The following CYP7B1 variants were observed in gnomAD, a reference collection of about 807,000 sequenced individuals.
CYP7B1 encodes the protein cytochrome P450 family 7 subfamily B member 1.
In CYP7B1, 29 loss-of-function variants were observed where a neutral mutation model predicts 42.7. The ratio of observed to expected loss-of-function variants is 0.68; its 90% CI spans 0.51 to 0.93. The LOEUF is 0.93. Among genes scored for constraint, CYP7B1 ranks in the 40% least tolerant of loss-of-function variants. The pLI is 0.00. For missense variants in CYP7B1, 655 were observed against 600.5 expected (o/e 1.09, Z -0.95); for synonymous variants, 235 against 218.2 (o/e 1.08, Z -0.68).
chr8:64,645,088 A>G (rs1247752927), intron 1 of CYP7B1, among the ~76,000 whole-genome samples: 1 of 151,398 alleles, frequency 6.6e-6, no homozygotes, highest in Non-Finnish European at 1.5e-5. Flanking sequence ...AAGGACATGA[A>G]CTCATCATTT....
intron 1 of CYP7B1, among the ~76,000 whole-genome samples, chr8:64,683,303 A>G (rs548758994): frequency 6.6e-6 from 1 of 152,348 alleles, no homozygotes; most frequent in East Asian, 1.9e-4. Context: ...CATGGATGGA[A>G]CTGGAGGACA....
Position 64,624,951 on chromosome 8 carries a change from C to CTTTTTTTTTTTTTTTTTTTTT in CYP7B1, c.123-433_123-413dup, listed in dbSNP as rs71260892. On this transcript the variant is annotated intron_variant, in intron 1 of 5. Transcript: ENST00000310193. Reference sequence around the variant, plus strand: ...AGTCCCCAAAGTCCATTATATCATTCTTTTTTTTTTTTTTTTTTTTTTTTT... The same window carrying CTTTTTTTTTTTTTTTTTTTTT: ...AGTCCCCAAAGTCCATTATATCATTCTTTTTTTTTTTTTTTTTTTTTTTTTTTTTTTTTTTTTTTTTTTTTT... 3.7e-5 allele frequency among the ~76,000 whole-genome samples: 2 copies of CTTTTTTTTTTTTTTTTTTTTT among 54,062 alleles called. 1 individual carries two copies. The highest frequency in any genetic ancestry group is 2.1e-4 in the African/African-American group (2 of 9,662). The allele number at this position is 54,062 out of a possible 152,430, so 35.5% of individuals were successfully genotyped here. A position where few individuals can be genotyped will look rare whatever the true frequency, so the allele number is the denominator to read the frequency against.
In CYP7B1 at chr8:64,658,919, C is replaced by T. The variant is rs117588414; in HGVS notation, c.123-34380G>A. ...GGTTTATCAGTAGGAGACAAGGAAG[C>T]AACACAACTGCACACCTGCATGAAC... On this transcript the variant is annotated intron_variant, in intron 1 of 5. Transcript: ENST00000310193. Among the ~76,000 whole-genome samples, 30 of 152,294 alleles carry T rather than the reference C, an allele frequency of 2.0e-4. No homozygotes were observed. The East Asian group carries it at 4.8e-3, about 24-fold the overall frequency.
intron 1 of CYP7B1, among the ~76,000 whole-genome samples, chr8:64,725,051 G>A (rs998820933): frequency 6.6e-6 from 1 of 152,182 alleles, no homozygotes; most frequent in African/African-American, 2.4e-5. Context: ...AAGCCAAGAA[G>A]AATCTGAACA....
intron 1 of CYP7B1, among the ~76,000 whole-genome samples, chr8:64,763,567 A>G (rs756095529): frequency 6.6e-6 from 1 of 152,192 alleles, no homozygotes; most frequent in Non-Finnish European, 1.5e-5. Flanking sequence ...AATACTGGGC[A>G]CCTGTTGGCC....
At chr8:64,796,520 T>A (rs1804704343) in intron 1 of CYP7B1, among the ~76,000 whole-genome samples, 1 of 152,212 alleles carries the variant, frequency 6.6e-6, no homozygotes, top group Non-Finnish European at 1.5e-5. Flanking sequence ...ACTACATTAG[T>A]AGTAACATAA....
intron 2 of CYP7B1, among the ~76,000 whole-genome samples, chr8:64,616,688 A>G (rs977616280): frequency 6.6e-6 from 1 of 152,232 alleles, no homozygotes; most frequent in African/African-American, 2.4e-5. Context: ...TATACTTCAT[A>G]AAGAGCTTTT....
At chr8:64,747,127 T>C (rs887265295) in intron 1 of CYP7B1, among the ~76,000 whole-genome samples, 1 of 149,122 alleles carries the variant, frequency 6.7e-6, no homozygotes, top group East Asian at 1.9e-4. Flanking sequence ...TATTTATAGA[T>C]CTATACTTAC....
chr8:64,709,510 A>C (rs567064337), intron 1 of CYP7B1, among the ~76,000 whole-genome samples: 1 of 152,350 alleles, frequency 6.6e-6, no homozygotes, highest in South Asian at 2.1e-4. Flanking sequence ...ACATATGTAA[A>C]TGTATTAGTC....
chr8:64,770,244 C>CA (rs1018941191), intron 1 of CYP7B1, among the ~76,000 whole-genome samples: 6 of 150,886 alleles, frequency 4.0e-5, no homozygotes, highest in Non-Finnish European at 7.4e-5. Context: ...CTCTAAATCT[C>CA]AAAAAAAAAT....
chr8:64,699,273 A>C (rs946984303), intron 1 of CYP7B1, among the ~76,000 whole-genome samples: 4 of 152,102 alleles, frequency 2.6e-5, no homozygotes, highest in Non-Finnish European at 4.4e-5. Context: ...AAAATTCATG[A>C]CTCTAAACTA....
At chr8:64,639,929 T>C (rs187987090) in intron 1 of CYP7B1, among the ~76,000 whole-genome samples, 4 of 152,160 alleles carry the variant, frequency 2.6e-5, no homozygotes, top group Non-Finnish European at 5.9e-5. Flanking sequence ...ATATTTAGTT[T>C]ATAGAATAAA....
chr8:64,730,624 CA>C (rs1807394339), intron 1 of CYP7B1, among the ~76,000 whole-genome samples: 2 of 152,088 alleles, frequency 1.3e-5, no homozygotes, highest in Non-Finnish European at 2.9e-5. Flanking sequence ...ATATGTTATG[CA>C]ATTACTCAGT....
chr8:64,796,538 C>A (rs767254082), intron 1 of CYP7B1, among the ~76,000 whole-genome samples: 1 of 152,134 alleles, frequency 6.6e-6, no homozygotes, highest in Non-Finnish European at 1.5e-5. Context: ...TAAATTGAGA[C>A]TTAGAGTAGT....
intron 1 of CYP7B1, among the ~76,000 whole-genome samples, chr8:64,644,907 C>G (rs2129631064): frequency 7.4e-6 from 1 of 135,290 alleles, no homozygotes; most frequent in East Asian, 2.5e-4. Flanking sequence ...CTATCCCTCC[C>G]CCCTCCCCCC....
intron 1 of CYP7B1, among the ~76,000 whole-genome samples, chr8:64,776,902 C>T (rs952435076): frequency 1.2e-4 from 19 of 152,036 alleles, no homozygotes; most frequent in Non-Finnish European, 2.6e-4. Context: ...TTAGATAATA[C>T]CTCCTTGGTT....
At chr8:64,736,463 T>G (rs1807489342) in intron 1 of CYP7B1, among the ~76,000 whole-genome samples, 1 of 152,218 alleles carries the variant, frequency 6.6e-6, no homozygotes, top group Admixed American at 6.5e-5. Flanking sequence ...TTTATTTTAT[T>G]TTTTTGAGAC....
Position 64,695,301 on chromosome 8 carries a change from G to A in CYP7B1, c.123-70762C>T, listed in dbSNP as rs1806807227. Among the ~76,000 whole-genome samples the A allele has an allele frequency of 1.3e-5, 2 of 152,104 alleles. 1 individual carries two copies. The highest frequency in any genetic ancestry group is 2.9e-5 in the Non-Finnish European group (2 of 68,026). On this transcript the variant is annotated intron_variant, in intron 1 of 5. Coordinates refer to ENST00000310193, the MANE Select transcript of CYP7B1 (RefSeq NM_004820.5). ...GAGCCACAATTACCCTCTCACCCTG[G>A]AAGGAAGTCCCTGCAGGTTAGGGGC...
chr8:64,757,272 T>G (rs1386482181), intron 1 of CYP7B1, among the ~76,000 whole-genome samples: 3 of 152,190 alleles, frequency 2.0e-5, no homozygotes, highest in African/African-American at 7.2e-5. Flanking sequence ...GGCAGAGGAC[T>G]AATACCAACT....
Sources: allele counts gnomAD v4.1 joint callset (sites outside exome capture counted in the v4.1 genomes callset), GRCh38; gene constraint gnomAD v4.1.1; transcripts MANE v1.5; gene names NCBI Gene and HGNC (gene_info 2026-07-23, HGNC 2026-07-21).